The following TNFRSF10D variants were observed in gnomAD, a reference collection of about 807,000 sequenced individuals.
TNFRSF10D encodes the protein tumor necrosis factor receptor superfamily member 10D.
TNFRSF10D carries 28 observed loss-of-function variants against 42.1 expected under a neutral mutation model. The observed-to-expected ratio is 0.66, with a 90% CI of 0.49 to 0.91. The LOEUF is 0.91. Among genes scored for constraint, TNFRSF10D ranks in the 40% least tolerant of loss-of-function variants. The pLI, the probability that TNFRSF10D is intolerant of heterozygous loss-of-function variation, is 0.00. For synonymous variants in TNFRSF10D, 186 were observed against 189.4 expected (o/e 0.98, Z 0.15); for missense variants, 503 against 486.1 (o/e 1.03, Z -0.33).
rs575131295 is a variant in TNFRSF10D, at chr8:23,152,829, A to G, written c.256+2045T>C. Among the ~76,000 whole-genome samples, 3 of 152,366 alleles carry G rather than the reference A, an allele frequency of 2.0e-5. No homozygotes were observed. In the East Asian group the frequency reaches 5.8e-4, roughly 29 times the overall value. ...TACAGATTCAATGCAATGCCTATTAAAATTCCAATGACATTTTTTACCAAA... is the reference window on the plus strand; with the variant it reads ...TACAGATTCAATGCAATGCCTATTAGAATTCCAATGACATTTTTTACCAAA... On this transcript the variant is annotated intron_variant, in intron 2 of 8. Transcript: ENST00000312584.
chr8:23,154,536 T>C (rs1442508531), intron 2 of TNFRSF10D, among the ~76,000 whole-genome samples: 1 of 152,238 alleles, frequency 6.6e-6, no homozygotes, highest in Non-Finnish European at 1.5e-5. Flanking sequence ...TATCTACTTT[T>C]ATTGACATGT....
chr8:23,163,722 C>T, intron 1 of TNFRSF10D, 64 bp downstream of exon 1: 1 of 1,573,486 alleles, frequency 6.4e-7, no homozygotes, highest in Non-Finnish European at 8.6e-7. Context: ...GTCCCCCTCT[C>T]TCCCTGCCCA....
intron 7 of TNFRSF10D, among the ~76,000 whole-genome samples, chr8:23,141,577 T>C (rs1362426748): frequency 1.3e-5 from 2 of 150,124 alleles, no homozygotes; most frequent in Non-Finnish European, 3.0e-5. Flanking sequence ...AAACTATGCA[T>C]CTGACAAAGG....
rs1326561313 is a variant in TNFRSF10D, at chr8:23,154,921, GC to G, written c.208del (p.Ala70ProfsTer130). 1 of 1,613,844 alleles carries G rather than the reference GC, an allele frequency of 6.2e-7. No homozygotes were observed. The highest frequency in any genetic ancestry group is 8.5e-7 in the Non-Finnish European group (1 of 1,179,924). ...GAGGCTGCGCCTCTGTTGCTGTGGG[GC>G]CACTGTCTGCTGGGGAACTTCGTCC... ...RQDEVPQQTV[A>X]PQQQRRSLKE... On this transcript the variant is annotated frameshift_variant, in exon 2 of 9. Transcript: ENST00000312584. LOFTEE classifies it high-confidence loss of function.
chr8:23,143,265 G>A (rs1040704577), intron 7 of TNFRSF10D, among the ~76,000 whole-genome samples: 8 of 148,004 alleles, frequency 5.4e-5, no homozygotes, highest in Non-Finnish European at 1.2e-4. Flanking sequence ...CATGAGCCAC[G>A]GCGCCCGGCC....
chr8:23,160,998 G>T (rs1800359281), intron 1 of TNFRSF10D, among the ~76,000 whole-genome samples: 1 of 152,230 alleles, frequency 6.6e-6, no homozygotes, highest in African/African-American at 2.4e-5. Flanking sequence ...AGAAGCTTCT[G>T]CCCCAAGGCC....
intron 2 of TNFRSF10D, among the ~76,000 whole-genome samples, chr8:23,153,928 C>T (rs115289801): frequency 6.1e-3 from 925 of 152,200 alleles, no homozygotes; most frequent in African/African-American, 0.019. Flanking sequence ...CTCCCATGTG[C>T]ATTGGAGCAT....
At chr8:23,158,820 T>C (rs982594052) in intron 1 of TNFRSF10D, among the ~76,000 whole-genome samples, 5 of 152,216 alleles carry the variant, frequency 3.3e-5, no homozygotes, top group African/African-American at 1.2e-4. Context: ...GTATAATGGA[T>C]ATGAAACAAA....
intron 2 of TNFRSF10D, among the ~76,000 whole-genome samples, chr8:23,150,307 G>C (rs968235396): frequency 5.3e-5 from 8 of 152,200 alleles, no homozygotes; most frequent in African/African-American, 1.4e-4. Flanking sequence ...CCCTCATGGA[G>C]CCAGGCCTCA....
chr8:23,149,905 T>A (rs946871608), intron 2 of TNFRSF10D, among the ~76,000 whole-genome samples: 2 of 152,100 alleles, frequency 1.3e-5, no homozygotes, highest in African/African-American at 4.8e-5. Flanking sequence ...CTTAATACTA[T>A]CCCAGAGAAA....
intron 2 of TNFRSF10D, 122 bp from the exon 3 acceptor site, chr8:23,148,673 G>C (rs1800163358): frequency 8.0e-6 from 5 of 624,868 alleles, no homozygotes; most frequent in Non-Finnish European, 1.4e-5. Context: ...GCTCTTCTTG[G>C]CTTGGTCTTG....
intron 1 of TNFRSF10D, among the ~76,000 whole-genome samples, chr8:23,161,943 T>C (rs774005503): frequency 4.6e-5 from 7 of 152,198 alleles, no homozygotes; most frequent in Non-Finnish European, 7.3e-5. Context: ...ACACGATACA[T>C]ACAAGGGTAT....
chr8:23,146,023 T>C, intron 4 of TNFRSF10D, 102 bp from the exon 5 acceptor site: 2 of 1,529,832 alleles, frequency 1.3e-6, no homozygotes, highest in East Asian at 2.2e-5. Context: ...TGAGAAGGCG[T>C]CAGGAGGACA....
At chr8:23,159,278 T>C (rs1170305422) in intron 1 of TNFRSF10D, among the ~76,000 whole-genome samples, 1 of 151,010 alleles carries the variant, frequency 6.6e-6, no homozygotes, top group Non-Finnish European at 1.5e-5. Flanking sequence ...TTGACTATTA[T>C]CAGTTAAAGG....
At chr8:23,157,017 C>A (rs897596719) in intron 1 of TNFRSF10D, among the ~76,000 whole-genome samples, 1 of 152,028 alleles carries the variant, frequency 6.6e-6, no homozygotes, top group Non-Finnish European at 1.5e-5. Context: ...TTTTTGACAG[C>A]TTTAACGAGA....
At position 23,145,858 on chromosome 8, in the gene TNFRSF10D, A is replaced by C. The variant is rs772466942; in HGVS notation, c.546T>G (p.Asn182Lys). The C allele has an allele frequency of 2.5e-6, 4 of 1,614,088 alleles. No individual in the cohort carries two copies. Among genetic ancestry groups the C allele is most frequent in the Non-Finnish European group, 3.4e-6 (4 of 1,179,996 alleles). The change falls in exon 5 of 9, where the codon AAT (asparagine) becomes AAG (lysine). Residue 182 changes from asparagine to lysine, a missense_variant. Coordinates refer to ENST00000312584, the MANE Select transcript of TNFRSF10D (RefSeq NM_003840.5). ...TCCCAGTGGAACTGGCAGCTGATTCATTTTTGCACTTGATGTCACTCCGGG... is the reference window on the plus strand; with the variant it reads ...TCCCAGTGGAACTGGCAGCTGATTCCTTTTTGCACTTGATGTCACTCCGGG... ...CTPRSDIKCK[N>K]ESAASSTGKT... is the part of the protein sequence containing the mutation.
At position 23,144,532 on chromosome 8, in the gene TNFRSF10D, G is replaced by C. The variant is rs116710124; in HGVS notation, c.872C>G (p.Ser291Cys). 2,332 of 1,614,194 alleles carry C rather than the reference G, an allele frequency of 1.4e-3. 43 individuals are homozygous for C. The African/African-American group carries it at 0.028, about 19-fold the overall frequency. ...SNRYLQPTQV[S>C]EQEIQGQELA... ...CTCCTGACCTTGGATTTCCTGCTCAGAGACCTGGGTGGGCTGCAAGTATCT... is the reference window on the plus strand; with the variant it reads ...CTCCTGACCTTGGATTTCCTGCTCACAGACCTGGGTGGGCTGCAAGTATCT... The change falls in exon 7 of 9, where the codon TCT becomes TGT. Residue 291 changes from serine to cysteine, a missense_variant. By Grantham distance (112) the Ser-to-Cys change is moderately radical. Transcript: ENST00000312584.
intron 7 of TNFRSF10D, among the ~76,000 whole-genome samples, chr8:23,142,348 G>A (rs141610979): frequency 3.9e-3 from 597 of 151,552 alleles, no homozygotes; most frequent in African/African-American, 0.014. Context: ...AATCAACCTA[G>A]GTTCCCATCA....
chr8:23,144,811 T>A (rs111670326), intron 6 of TNFRSF10D, among the ~76,000 whole-genome samples, 176 bp from the exon 7 acceptor site: 1 of 151,904 alleles, frequency 6.6e-6, no homozygotes, highest in Admixed American at 6.6e-5. Flanking sequence ...CCCATCCCCA[T>A]GGGGCCAGCT....
Sources: gnomAD v4.1 joint callset for allele counts (sites outside exome capture counted in the v4.1 genomes callset) on GRCh38, gnomAD v4.1.1 for gene constraint, MANE v1.5 for transcripts, NCBI Gene and HGNC (gene_info 2026-07-23, HGNC 2026-07-21) for gene names.